Variants in CCDC7 observed in about 807,000 individuals in gnomAD.
The protein encoded by CCDC7 is coiled-coil domain containing 7, also known as coiled-coil domain-containing protein 7.
Under a neutral mutation model 196.9 loss-of-function variants are expected in CCDC7, and 183 were observed. The observed-to-expected ratio is 0.93, with a 90% CI of 0.82 to 1.05. The LOEUF is 1.05. CCDC7 is among the 50% of genes least tolerant of loss of function. CCDC7 has a pLI of 0.00. For missense variants in CCDC7, 1,540 were observed against 1,482.2 expected, an observed-to-expected ratio of 1.04 and a Z score of -0.64; for synonymous variants, 525 against 484.6, an observed-to-expected ratio of 1.08 and a Z score of -1.10.
intron 8 of CCDC7, among the ~76,000 whole-genome samples, chr10:32,491,423 A>C (rs773520360): frequency 2.3e-4 from 35 of 152,146 alleles, no homozygotes; most frequent in Non-Finnish European, 4.7e-4. Context: ...GTAGCATCTT[A>C]GGTTCTCTTT....
intron 3 of CCDC7, among the ~76,000 whole-genome samples, chr10:32,461,504 A>AT (rs1409899271): frequency 6.6e-6 from 1 of 151,706 alleles, no homozygotes; most frequent in East Asian, 1.9e-4. Context: ...AGTAATTTGC[A>AT]TTTTTCATTA....
At chr10:32,575,973 C>T (rs897179129) in intron 16 of CCDC7, among the ~76,000 whole-genome samples, 1 of 152,060 alleles carries the variant, frequency 6.6e-6, no homozygotes, top group African/African-American at 2.4e-5. Flanking sequence ...TTTTCCTGGC[C>T]AAGCACAGAA....
intron 29 of CCDC7, among the ~76,000 whole-genome samples, chr10:32,793,873 G>A (rs1565520482): frequency 6.6e-6 from 1 of 152,164 alleles, no homozygotes; most frequent in Non-Finnish European, 1.5e-5. Context: ...GACAAAAACT[G>A]AGTATTCTAC....
rs534478103 is a variant in CCDC7 at position 32,661,763 on chromosome 10, A to G, written c.2015-2291A>G. On this transcript the variant is annotated intron_variant, in intron 20 of 41. Transcript: ENST00000639629. Reference sequence around the variant, plus strand: ...AGCTGGTATCCAAGATACAAGATGAAATCTTTTTTATTCATCCCTCTCTTC... The same window carrying G: ...AGCTGGTATCCAAGATACAAGATGAGATCTTTTTTATTCATCCCTCTCTTC... Among the ~76,000 whole-genome samples, 24 of 152,222 alleles carry G rather than the reference A, an allele frequency of 1.6e-4. 1 individual carries two copies. In the South Asian group the frequency reaches 5.0e-3, roughly 32 times the overall value.
At position 32,591,245 on chromosome 10, in the gene CCDC7, C is replaced by T. The variant is rs1017610038; in HGVS notation, c.1801+6941C>T. ...TCATTGTTTTTTATTCTTTTTTCTC[C>T]TCTGTGTATTTTCAAATAGCCCCTC... On this transcript the variant is annotated intron_variant, in intron 18 of 41. Transcript: ENST00000639629. 4.6e-5 allele frequency among the ~76,000 whole-genome samples: 7 copies of T among 151,744 alleles called. No homozygotes were observed. The South Asian group carries it at 1.0e-3, about 23-fold the overall frequency.
At chr10:32,516,755 C>T (rs1004646044) in intron 9 of CCDC7, among the ~76,000 whole-genome samples, 3 of 152,088 alleles carry the variant, frequency 2.0e-5, no homozygotes, top group Non-Finnish European at 4.4e-5. Flanking sequence ...AAAAGTTTGC[C>T]GGTTCCTCAA....
intron 20 of CCDC7, among the ~76,000 whole-genome samples, chr10:32,642,702 C>A (rs994106206): frequency 6.6e-6 from 1 of 152,226 alleles, no homozygotes; most frequent in Non-Finnish European, 1.5e-5. Context: ...GTGATGAACC[C>A]AGTACCTCGG....
Position 32,469,747 on chromosome 10 carries a change from G to A in CCDC7, c.511-1317G>A, listed in dbSNP as rs577478937. On this transcript the variant is annotated intron_variant, in intron 5 of 41. Transcript: ENST00000639629. ...GGTGATGCTGTTGAAATTTTCTGGG[G>A]GTGAGTACTATAAAATATACTACAC... 2.0e-5 allele frequency among the ~76,000 whole-genome samples: 3 copies of A among 152,148 alleles called. No homozygotes were observed. In the East Asian group the frequency reaches 5.8e-4, roughly 29 times the overall value.
chr10:32,500,177 G>T (rs1290402207), intron 9 of CCDC7, among the ~76,000 whole-genome samples: 1 of 148,814 alleles, frequency 6.7e-6, no homozygotes, highest in Non-Finnish European at 1.5e-5. Context: ...AGACGGGGCG[G>T]CTGGGCAGAG....
intron 8 of CCDC7, among the ~76,000 whole-genome samples, chr10:32,482,201 A>C (rs2040091419): frequency 6.6e-6 from 1 of 151,826 alleles, no homozygotes; most frequent in South Asian, 2.1e-4. Context: ...GAATTAAAAA[A>C]TTTAAATTTT....
intron 28 of CCDC7, among the ~76,000 whole-genome samples, chr10:32,737,547 T>C (rs995220859): frequency 6.6e-6 from 1 of 152,194 alleles, no homozygotes; most frequent in Non-Finnish European, 1.5e-5. Flanking sequence ...ATCCAGTTGA[T>C]TGGTGATGTG....
chr10:32,703,074 A>G (rs1268945122), intron 24 of CCDC7, among the ~76,000 whole-genome samples: 2 of 151,864 alleles, frequency 1.3e-5, no homozygotes, highest in Admixed American at 6.6e-5. Flanking sequence ...TTAGCTGGTT[A>G]TTTGCTCGTT....
chr10:32,449,549 T>C (rs944603328), upstream of CCDC7, among the ~76,000 whole-genome samples: 5 of 152,136 alleles, frequency 3.3e-5, no homozygotes. Flanking sequence ...TGAGCTCATA[T>C]ACCCCTGGGG....
At chr10:32,741,338 T>A (rs1432007875) in intron 28 of CCDC7, among the ~76,000 whole-genome samples, 1 of 152,248 alleles carries the variant, frequency 6.6e-6, no homozygotes, top group Non-Finnish European at 1.5e-5. Flanking sequence ...ATTAAAATTA[T>A]GCACATTGCT....
At chr10:32,794,721 G>A (rs936517508) in intron 29 of CCDC7, among the ~76,000 whole-genome samples, 2 of 152,086 alleles carry the variant, frequency 1.3e-5, no homozygotes, top group African/African-American at 2.4e-5. Context: ...ATTTGTTGGT[G>A]CATGTATGTC....
intron 18 of CCDC7, among the ~76,000 whole-genome samples, chr10:32,615,003 G>T (rs949420598): frequency 3.3e-5 from 5 of 151,938 alleles, no homozygotes; most frequent in African/African-American, 1.2e-4. Context: ...GTATTCCATA[G>T]TGTGTGTGTA....
At chr10:32,470,092 C>T (rs1016554050) in intron 5 of CCDC7, among the ~76,000 whole-genome samples, 1 of 152,106 alleles carries the variant, frequency 6.6e-6, no homozygotes. Context: ...TTCCCTATAC[C>T]CAAGCTCAGA....
At chr10:32,450,658 A>G (rs764637645), upstream of CCDC7, among the ~76,000 whole-genome samples, 1 of 152,140 alleles carries the variant, frequency 6.6e-6, no homozygotes, top group Non-Finnish European at 1.5e-5. Context: ...CCCAAGACCT[A>G]TCTAGTTTAT....
At chr10:32,750,002 T>C (rs1181354412) in intron 28 of CCDC7, among the ~76,000 whole-genome samples, 1 of 152,178 alleles carries the variant, frequency 6.6e-6, no homozygotes, top group East Asian at 1.9e-4. Flanking sequence ...CTTATTTTGG[T>C]CAAAACATAT....
Sources: allele counts gnomAD v4.1 joint callset (sites outside exome capture counted in the v4.1 genomes callset), GRCh38; gene constraint gnomAD v4.1.1; transcripts MANE v1.5; gene names NCBI Gene and HGNC (gene_info 2026-07-23, HGNC 2026-07-21).